The following CFAP58 variants were observed in gnomAD, a reference collection of about 807,000 sequenced individuals.
CFAP58 encodes the protein cilia- and flagella-associated protein 58.
In CFAP58, 88 loss-of-function variants were observed where a neutral mutation model predicts 119.5. The observed-to-expected ratio is 0.74, with a 90% CI of 0.62 to 0.88. The LOEUF is 0.88. CFAP58 is among the 40% of genes least tolerant of loss of function. CFAP58 has a pLI of 0.00. For missense variants in CFAP58, 990 were observed against 1,021.2 expected, an observed-to-expected ratio of 0.97 and a Z score of 0.42; for synonymous variants, 365 against 366.3, an observed-to-expected ratio of 1.00 and a Z score of 0.04.
intron 7 of CFAP58, 120 bp downstream of exon 7, chr10:104,371,174 C>A: frequency 1.1e-6 from 1 of 948,616 alleles, no homozygotes; most frequent in Non-Finnish European, 1.5e-6. Context: ...AGTAAAACAA[C>A]ACTCACACTG....
chr10:104,340,649 G>C, the CFAP58 span, among the ~76,000 whole-genome samples: 1 of 152,178 alleles, frequency 6.6e-6, no homozygotes, highest in Non-Finnish European at 1.5e-5. Context: ...ACAGTGAAAG[G>C]CTGAATAAAA....
intron 15 of CFAP58, among the ~76,000 whole-genome samples, chr10:104,416,544 C>A (rs115824948): frequency 2.0e-5 from 3 of 152,122 alleles, no homozygotes; most frequent in Non-Finnish European, 4.4e-5. Context: ...TGGATCTGCA[C>A]GAGTTATTAG....
chr10:104,390,591 A>G lies in CFAP58; in HGVS notation c.1366-1642A>G, dbSNP rs909606378. Among the ~76,000 whole-genome samples the G allele has an allele frequency of 2.6e-5, 4 of 152,204 alleles. No individual in the cohort carries two copies. In the East Asian group the frequency reaches 5.8e-4, roughly 22 times the overall value. ...CTAATACATATAAAATGTCAGGTAC[A>G]TAGAAGGTAACTGATGAATATTAGC... is the stretch of plus-strand genomic sequence containing the variant. On this transcript the variant is annotated intron_variant, in intron 9 of 17. Transcript: ENST00000369704.
intron 6 of CFAP58, among the ~76,000 whole-genome samples, chr10:104,370,579 C>G (rs1396444599): frequency 1.3e-5 from 2 of 152,182 alleles, no homozygotes; most frequent in East Asian, 3.8e-4. Flanking sequence ...GTTCCTCCCA[C>G]AACACGTGGG....
intron 15 of CFAP58, among the ~76,000 whole-genome samples, chr10:104,414,833 C>G (rs2012522763): frequency 6.6e-6 from 1 of 152,088 alleles, no homozygotes; most frequent in South Asian, 2.1e-4. Context: ...CCGCGCCCGG[C>G]TAATTTTTTT....
chr10:104,450,716 A>ATT (rs3069012), intron 17 of CFAP58, among the ~76,000 whole-genome samples: 16,406 of 118,660 alleles, frequency 0.14, 2,030 homozygotes, highest in African/African-American at 0.34. Flanking sequence ...TTTATTTTTG[A>ATT]TTTTTTTTTG....
rs900246118 is a variant in CFAP58 at position 104,358,028 on chromosome 10, T to C, written c.10-313T>C. Among the ~76,000 whole-genome samples, 67 of 133,654 alleles carry C rather than the reference T, an allele frequency of 5.0e-4. 2 individuals are homozygous for C. Among genetic ancestry groups the C allele is most frequent in the Middle Eastern group, 4.5e-3 (1 of 222 alleles). 87.7% of individuals were successfully genotyped at this position (133,654 alleles called of 152,430 possible). A position where few individuals can be genotyped will look rare whatever the true frequency, so the allele number is the denominator to read the frequency against. The stretch of plus-strand genomic sequence containing the variant: ...ATATACACATATATGTACATATATA[T>C]ACATATGTACATATACACACATATA... On this transcript the variant is annotated intron_variant, in intron 1 of 17. Coordinates refer to ENST00000369704, the MANE Select transcript of CFAP58 (RefSeq NM_001008723.2).
intron 13 of CFAP58, among the ~76,000 whole-genome samples, chr10:104,402,608 T>C (rs2012285386): frequency 6.6e-6 from 1 of 152,238 alleles, no homozygotes; most frequent in African/African-American, 2.4e-5. Flanking sequence ...ACACTGAGGA[T>C]GGCTGTCACA....
chr10:104,357,595 CCTACTATTTGCCAGGCATTTGG>C (rs1188660804), intron 1 of CFAP58, among the ~76,000 whole-genome samples: 2 of 152,080 alleles, frequency 1.3e-5, no homozygotes, highest in East Asian at 3.9e-4. Context: ...TCCTTGAATC[CCTACTATTTGCCAGGCATTTGG>C]CTAAATGTTT....
intron 9 of CFAP58, among the ~76,000 whole-genome samples, chr10:104,386,420 A>T (rs1353026154): frequency 6.6e-6 from 1 of 151,974 alleles, no homozygotes; most frequent in Non-Finnish European, 1.5e-5. Context: ...AAGAAAAAGT[A>T]AAATGGTTGT....
intron 13 of CFAP58, among the ~76,000 whole-genome samples, chr10:104,401,800 A>G (rs993919956): frequency 2.6e-5 from 4 of 152,132 alleles, no homozygotes; most frequent in Non-Finnish European, 5.9e-5. Flanking sequence ...TCAGATGACG[A>G]AAGCAGTACA....
At position 104,454,426 on chromosome 10, in the gene CFAP58, A is replaced by G; in HGVS notation, c.2515A>G (p.Lys839Glu). The G allele has an allele frequency of 6.2e-7, 1 of 1,612,412 alleles. No homozygotes were observed. The change falls in exon 18 of 18, where the codon AAG becomes GAG. Residue 839 changes from lysine to glutamate, a missense_variant. Lys to Glu is a moderately conservative substitution (Grantham distance 56). Coordinates refer to ENST00000369704, the MANE Select transcript of CFAP58 (RefSeq NM_001008723.2). ...QKRKEQLQKN[K>E]DTAPMDNTFL... ...CTTTCACCTCCTCTCTTACAGAAAC[A>G]AGGACACAGCACCCATGGATAACAC...
rs2014818401 is a variant in CFAP58, at chr10:104,371,149, A to G, written c.1090+95A>G. 23 of 1,209,078 alleles carry G rather than the reference A, an allele frequency of 1.9e-5. No homozygotes were observed. In the South Asian group the frequency reaches 3.0e-4, roughly 16 times the overall value. 74.9% of individuals were successfully genotyped at this position (1,209,078 alleles called of 1,614,324 possible). A position where few individuals can be genotyped will look rare whatever the true frequency, so the allele number is the denominator to read the frequency against. The stretch of plus-strand genomic sequence containing the variant: ...GGCTCCATGTTTCCAAACACAACCT[A>G]TGCCAAATGAAATCAGTAAAACAAC... On this transcript the variant is annotated intron_variant, in intron 7 of 17. Transcript: ENST00000369704.
At chr10:104,392,575 T>C (rs986037261) in intron 10 of CFAP58, among the ~76,000 whole-genome samples, 181 bp downstream of exon 10, 2 of 151,830 alleles carry the variant, frequency 1.3e-5, no homozygotes, top group African/African-American at 2.4e-5. Flanking sequence ...CACATCTTAA[T>C]AGGATGTGGA....
At chr10:104,418,330 CG>C (rs1564898704) in intron 15 of CFAP58, among the ~76,000 whole-genome samples, 1 of 152,108 alleles carries the variant, frequency 6.6e-6, no homozygotes, top group Non-Finnish European at 1.5e-5. Context: ...AGGTGGATCA[CG>C]AGGTCAGGAG....
rs775407767 is a variant in CFAP58 at position 104,380,052 on chromosome 10, G to A, written c.1197G>A (p.Ala399=). The change falls in exon 9 of 18, where the codon GCG becomes GCA. Residue 399 remains alanine, a synonymous_variant. Coordinates refer to ENST00000369704, the MANE Select transcript of CFAP58 (RefSeq NM_001008723.2). ...LNKNMLKAVN[A]TQKQTDLVKL... is the part of the protein sequence containing the mutation. ...AGAACATGCTTAAGGCGGTCAATGCGACCCAGAAGCAGACAGACTTGGTAA... is the reference window on the plus strand; with the variant it reads ...AGAACATGCTTAAGGCGGTCAATGCAACCCAGAAGCAGACAGACTTGGTAA... 3.7e-5 allele frequency: 59 copies of A among 1,613,822 alleles called. No individual in the cohort carries two copies. In the South Asian group the frequency reaches 4.8e-4, roughly 13 times the overall value.
At chr10:104,414,826 C>T (rs2012522427) in intron 15 of CFAP58, among the ~76,000 whole-genome samples, 2 of 152,138 alleles carry the variant, frequency 1.3e-5, no homozygotes, top group African/African-American at 4.8e-5. Flanking sequence ...CCTGCCACCG[C>T]GCCCGGCTAA....
chr10:104,362,045 T>TG lies in CFAP58; in HGVS notation c.316dup (p.Val106GlyfsTer6), dbSNP rs1437168089. On this transcript the variant is annotated frameshift_variant, in exon 3 of 18. Transcript: ENST00000369704. LOFTEE classifies it high-confidence loss of function. ...TAGGAAATTGAAAAGGCCTGGAAGA[T>TG]GGTGGACTCAGCCTATGACAAAGAG... The TG allele has an allele frequency of 2.5e-6, 4 of 1,613,978 alleles. No homozygotes were observed. The highest frequency in any genetic ancestry group is 3.4e-6 in the Non-Finnish European group (4 of 1,179,916).
Position 104,454,408 on chromosome 10 carries a change from C to T in CFAP58, c.2511-14C>T, listed in dbSNP as rs7081300. 7 of 1,592,990 alleles carry T rather than the reference C, an allele frequency of 4.4e-6. No individual in the cohort carries two copies. In the Admixed American group the frequency reaches 5.0e-5, roughly 11 times the overall value. ...GGATGTTAAGGAAGCTAACTTTCAC[C>T]TCCTCTCTTACAGAAACAAGGACAC... On this transcript the variant is annotated splice_polypyrimidine_tract_variant and intron_variant, in intron 17 of 17. Transcript: ENST00000369704.
Sources: gnomAD v4.1 joint callset for allele counts (sites outside exome capture counted in the v4.1 genomes callset) on GRCh38, gnomAD v4.1.1 for gene constraint, MANE v1.5 for transcripts, NCBI Gene and HGNC (gene_info 2026-07-23, HGNC 2026-07-21) for gene names.